The following SMCO4 variants were observed in gnomAD, a reference collection of about 807,000 sequenced individuals.
The protein encoded by SMCO4 is single-pass membrane and coiled-coil domain-containing protein 4.
SMCO4 carries 4 observed loss-of-function variants against 3.6 expected under a neutral mutation model. The ratio of observed to expected loss-of-function variants is 1.11; its 90% CI spans 0.54 to 2.53. SMCO4 has a LOEUF of 2.53. SMCO4 is among the 30% of genes most tolerant of loss of function. The pLI is 0.02. For synonymous variants in SMCO4, 36 were observed against 35.3 expected (o/e 1.02, Z -0.07); for missense variants, 70 against 80.8 (o/e 0.87, Z 0.51).
chr11:93,550,938 C>T, the SMCO4 span, among the ~76,000 whole-genome samples: 2 of 152,176 alleles, frequency 1.3e-5, no homozygotes, highest in Non-Finnish European at 2.9e-5. Context: ...TTTTTAACAT[C>T]AAAGGTGTTT....
At chr11:93,543,158 C>A (rs1330108139) in intron 1 of SMCO4, 118 bp downstream of exon 1, 1 of 149,080 alleles carries the variant, frequency 6.7e-6, no homozygotes, top group South Asian at 2.1e-4. Flanking sequence ...GCCGGCGTGG[C>A]GGGAACCGTA....
rs58177836 is a variant in SMCO4, at chr11:93,478,713, GCACA to G, written c.*293_*296del. ...ATCGATTTTTAGGAGAGAAAAAGAA[GCACA>G]CACACACACACACACACACACACAC... On this transcript the variant is annotated 3_prime_UTR_variant, in exon 3 of 3. Coordinates refer to ENST00000298966, the MANE Select transcript of SMCO4 (RefSeq NM_020179.3). 27,427 of 225,412 alleles carry G rather than the reference GCACA, an allele frequency of 0.12. 1,654 individuals are homozygous for G. The highest frequency in any genetic ancestry group is 0.16 in the South Asian group (962 of 6,096). 14.0% of individuals were successfully genotyped at this position (225,412 alleles called of 1,614,324 possible).
intron 1 of SMCO4, among the ~76,000 whole-genome samples, chr11:93,533,170 G>GC (rs1949179521): frequency 6.6e-6 from 1 of 152,196 alleles, no homozygotes; most frequent in African/African-American, 2.4e-5. Context: ...CCCCAGGAGA[G>GC]CTGCTCCATG....
At chr11:93,510,423 G>A (rs575518439) in intron 1 of SMCO4, among the ~76,000 whole-genome samples, 1 of 152,294 alleles carries the variant, frequency 6.6e-6, no homozygotes, top group African/African-American at 2.4e-5. Context: ...TAAGTGGAAA[G>A]GCACACTGCC....
intron 1 of SMCO4, among the ~76,000 whole-genome samples, chr11:93,541,653 T>C (rs1949272032): frequency 6.6e-6 from 1 of 152,198 alleles, no homozygotes; most frequent in Non-Finnish European, 1.5e-5. Context: ...AGCAACTTTA[T>C]AGTAGATAGC....
At chr11:93,534,485 AAAC>A in intron 1 of SMCO4, among the ~76,000 whole-genome samples, 1 of 152,088 alleles carries the variant, frequency 6.6e-6, no homozygotes, top group African/African-American at 2.4e-5. Flanking sequence ...AGAGATTTAT[AAAC>A]ATTATTCTTT....
chr11:93,551,732 C>T, the SMCO4 span, among the ~76,000 whole-genome samples: 2 of 152,216 alleles, frequency 1.3e-5, no homozygotes, highest in Non-Finnish European at 2.9e-5. Context: ...TGATTCATAG[C>T]CACCATTCAA....
At chr11:93,491,641 G>C (rs975677722) in intron 2 of SMCO4, among the ~76,000 whole-genome samples, 1 of 152,226 alleles carries the variant, frequency 6.6e-6, no homozygotes, top group Non-Finnish European at 1.5e-5. Flanking sequence ...ACTACTAAGT[G>C]ATATTGAATT....
intron 1 of SMCO4, among the ~76,000 whole-genome samples, chr11:93,524,534 T>C (rs2134624569): frequency 6.6e-6 from 1 of 152,232 alleles, no homozygotes; most frequent in East Asian, 1.9e-4. Flanking sequence ...CTGGGAGCAC[T>C]GGACAAGACT....
At chr11:93,538,776 T>C (rs754539983) in intron 1 of SMCO4, among the ~76,000 whole-genome samples, 53 of 152,134 alleles carry the variant, frequency 3.5e-4, no homozygotes, top group Admixed American at 3.3e-3. Context: ...AGCCCCCTCT[T>C]CTCCGCAACC....
At chr11:93,521,907 GTGTATTTCTATTA>G (rs1949061159) in intron 1 of SMCO4, among the ~76,000 whole-genome samples, 1 of 152,182 alleles carries the variant, frequency 6.6e-6, no homozygotes, top group Non-Finnish European at 1.5e-5. Context: ...ACAGTCAGAA[GTGTATTTCTATTA>G]TGGCCTGGGA....
At chr11:93,528,464 G>T (rs1182987416) in intron 1 of SMCO4, among the ~76,000 whole-genome samples, 1 of 152,196 alleles carries the variant, frequency 6.6e-6, no homozygotes, top group East Asian at 1.9e-4. Context: ...CTCCAAGTTG[G>T]CCCAGAAAGC....
intron 2 of SMCO4, among the ~76,000 whole-genome samples, chr11:93,497,502 AGCTGCCTG>A (rs1420157586): frequency 1.3e-5 from 2 of 152,220 alleles, no homozygotes; most frequent in Admixed American, 6.5e-5. Context: ...TTTTCAAGAA[AGCTGCCTG>A]GCTGAGGGTG....
intron 1 of SMCO4, among the ~76,000 whole-genome samples, chr11:93,514,392 A>ATG (rs1565382953): frequency 5.8e-5 from 2 of 34,434 alleles, no homozygotes; most frequent in African/African-American, 2.9e-4. Context: ...ATATATATAT[A>ATG]TATATATATA....
At chr11:93,527,445 T>C (rs548625876) in intron 1 of SMCO4, among the ~76,000 whole-genome samples, 11 of 152,232 alleles carry the variant, frequency 7.2e-5, no homozygotes, top group African/African-American at 2.6e-4. Context: ...ACTATACACT[T>C]AAAAATAGTT....
intron 1 of SMCO4, among the ~76,000 whole-genome samples, chr11:93,532,199 C>T (rs967792105): frequency 1.3e-5 from 2 of 152,146 alleles, no homozygotes; most frequent in African/African-American, 4.8e-5. Flanking sequence ...AGGGTGGGCC[C>T]TAATCCAATG....
At chr11:93,552,442 GTTA>G in the SMCO4 span, among the ~76,000 whole-genome samples, 17,771 of 130,026 alleles carry the variant, frequency 0.14, 1,310 homozygotes, top group East Asian at 0.35. Context: ...GCCCAGCCAC[GTTA>G]TTATTATTAT....
intron 2 of SMCO4, chr11:93,481,331 T>G: frequency 1.6e-6 from 1 of 609,470 alleles, no homozygotes. Context: ...AGGGACGCGG[T>G]ACAGGTGGGC....
chr11:93,542,181 G>C (rs1056973681), intron 1 of SMCO4, among the ~76,000 whole-genome samples: 5 of 150,978 alleles, frequency 3.3e-5, no homozygotes, highest in African/African-American at 1.2e-4. Flanking sequence ...TTCTAATAAA[G>C]CATCCAGCAC....
Sources: allele counts gnomAD v4.1 joint callset (sites outside exome capture counted in the v4.1 genomes callset), GRCh38; gene constraint gnomAD v4.1.1; transcripts MANE v1.5; gene names NCBI Gene and HGNC (gene_info 2026-07-23, HGNC 2026-07-21).